The following GRM7 variants were observed in gnomAD, a reference collection of about 807,000 sequenced individuals.
GRM7 encodes the protein metabotropic glutamate receptor 7.
Under a neutral mutation model 84.5 loss-of-function variants are expected in GRM7, and 35 were observed. The observed-to-expected ratio is 0.41, with a 90% confidence interval of 0.32 to 0.55. GRM7 has a LOEUF of 0.55. GRM7 is among the 20% of genes least tolerant of loss of function. The probability of loss-of-function intolerance (pLI) is 0.19; values close to 1 mark genes in which losing one functional copy is unlikely to be tolerated. For synonymous variants in GRM7, 487 were observed against 455.1 expected (o/e 1.07, Z -0.89); for missense variants, 1,003 against 1,194.6 (o/e 0.84, Z 2.36).
chr3:7,123,652 C>G (rs1268895912), intron 1 of GRM7, among the ~76,000 whole-genome samples: 2 of 151,948 alleles, frequency 1.3e-5, no homozygotes, highest in African/African-American at 2.4e-5. Flanking sequence ...ATGCATTGTT[C>G]AGGAATGCAC....
intron 8 of GRM7, among the ~76,000 whole-genome samples, chr3:7,659,454 T>A (rs1029809904): frequency 1.4e-5 from 2 of 140,258 alleles, no homozygotes; most frequent in Non-Finnish European, 1.6e-5. Context: ...GTCAGACTAT[T>A]TTAAAGCAAT....
At chr3:7,034,827 C>G (rs1406854246) in intron 1 of GRM7, among the ~76,000 whole-genome samples, 6 of 152,310 alleles carry the variant, frequency 3.9e-5, no homozygotes, top group South Asian at 2.1e-4. Context: ...CCAGACTCCA[C>G]TAGCTCAGGA....
chr3:7,598,141 G>A (rs1575538549), intron 8 of GRM7, among the ~76,000 whole-genome samples: 1 of 152,144 alleles, frequency 6.6e-6, no homozygotes, highest in Non-Finnish European at 1.5e-5. Flanking sequence ...ATCATAATCT[G>A]ACATATTGCA....
At chr3:7,038,300 A>G (rs1696455543) in intron 1 of GRM7, among the ~76,000 whole-genome samples, 1 of 152,216 alleles carries the variant, frequency 6.6e-6, no homozygotes, top group Admixed American at 6.5e-5. Flanking sequence ...ATTCATTAAT[A>G]CATAGCCTTA....
At chr3:7,313,270 T>A (rs6443102) in intron 4 of GRM7, among the ~76,000 whole-genome samples, 3 of 151,854 alleles carry the variant, frequency 2.0e-5, no homozygotes, top group Admixed American at 1.3e-4. Flanking sequence ...GACAGGATAC[T>A]TGGAGCTGCT....
At chr3:7,236,717 C>A (rs569249119) in intron 2 of GRM7, among the ~76,000 whole-genome samples, 4 of 152,206 alleles carry the variant, frequency 2.6e-5, no homozygotes, top group African/African-American at 4.8e-5. Flanking sequence ...GCCATCCAAT[C>A]ACAAGATATG....
chr3:7,317,806 G>A lies in GRM7; in HGVS notation c.1033+11154G>A, dbSNP rs186025101. Among the ~76,000 whole-genome samples the A allele has an allele frequency of 3.2e-3, 479 of 151,862 alleles. 2 individuals are homozygous for A. Among genetic ancestry groups the A allele is most frequent in the African/African-American group, 0.011 (463 of 41,474 alleles). On this transcript the variant is annotated intron_variant, in intron 4 of 9. Coordinates refer to ENST00000357716, the MANE Select transcript of GRM7 (RefSeq NM_000844.4). ...CAAGGTAGACAAAAAGAACTTGAAA[G>A]ACTGCTGTCAAGAAGAAGAGGTGAG...
At chr3:7,502,823 G>A (rs920183502) in intron 7 of GRM7, among the ~76,000 whole-genome samples, 3 of 152,272 alleles carry the variant, frequency 2.0e-5, no homozygotes, top group Admixed American at 6.5e-5. Context: ...TTATGTTGTT[G>A]CTGTTGTTTG....
chr3:7,452,562 G>C (rs762174725), intron 5 of GRM7, 45 bp from the exon 6 acceptor site: 2 of 612,924 alleles, frequency 3.3e-6, no homozygotes, highest in Non-Finnish European at 5.6e-6. Flanking sequence ...GCCAATTTGT[G>C]TGTGTGTGTG....
chr3:6,866,187 T>A (rs1198985175), intron 1 of GRM7, among the ~76,000 whole-genome samples: 2 of 152,162 alleles, frequency 1.3e-5, no homozygotes, highest in African/African-American at 4.8e-5. Flanking sequence ...AAATTACAAG[T>A]GCTATATTTC....
At chr3:7,506,457 C>G (rs1458999831) in intron 7 of GRM7, among the ~76,000 whole-genome samples, 1 of 152,152 alleles carries the variant, frequency 6.6e-6, no homozygotes, top group Non-Finnish European at 1.5e-5. Flanking sequence ...TGCCCATTAC[C>G]CAGTTCCAAA....
At chr3:7,269,454 C>T (rs925875734) in intron 2 of GRM7, among the ~76,000 whole-genome samples, 1 of 144,810 alleles carries the variant, frequency 6.9e-6, no homozygotes, top group Non-Finnish European at 1.5e-5. Context: ...ACCCCCCCCC[C>T]AGAGAGCATG....
intron 7 of GRM7, among the ~76,000 whole-genome samples, chr3:7,488,709 G>C (rs1001363289): frequency 6.6e-6 from 1 of 152,060 alleles, no homozygotes; most frequent in Admixed American, 6.6e-5. Context: ...TTTTCTTTAT[G>C]AATTACCCAG....
At chr3:7,266,990 G>A (rs1046867277) in intron 2 of GRM7, among the ~76,000 whole-genome samples, 7 of 152,188 alleles carry the variant, frequency 4.6e-5, no homozygotes, top group Non-Finnish European at 5.9e-5. Context: ...TGCAACAGTG[G>A]TTGGCAGTTT....
chr3:7,099,524 ACACG>A (rs1699010635), intron 1 of GRM7, among the ~76,000 whole-genome samples: 1 of 148,096 alleles, frequency 6.8e-6, no homozygotes, highest in Non-Finnish European at 1.5e-5. Flanking sequence ...ATGTATATGT[ACACG>A]CATTATACAT....
intron 7 of GRM7, among the ~76,000 whole-genome samples, chr3:7,505,907 T>A (rs115535013): frequency 6.4e-4 from 98 of 152,332 alleles, no homozygotes; most frequent in African/African-American, 2.3e-3. Flanking sequence ...CTTTGATCCA[T>A]ACTAATTTCC....
intron 8 of GRM7, among the ~76,000 whole-genome samples, chr3:7,658,422 TA>T (rs1227153855): frequency 1.3e-5 from 2 of 152,204 alleles, no homozygotes; most frequent in African/African-American, 2.4e-5. Flanking sequence ...GCCTTTCGCC[TA>T]GATAAAAGTT....
chr3:7,325,253 C>T (rs1700939830), intron 4 of GRM7, among the ~76,000 whole-genome samples: 1 of 152,128 alleles, frequency 6.6e-6, no homozygotes, highest in Admixed American at 6.5e-5. Flanking sequence ...ATGGTTACTT[C>T]CTTCGTTAGG....
In GRM7 at chr3:7,233,502, T is replaced by G. The variant is rs941226001; in HGVS notation, c.737-65182T>G. 2.0e-5 allele frequency among the ~76,000 whole-genome samples: 3 copies of G among 152,152 alleles called. 1 individual carries two copies. Among genetic ancestry groups the G allele is most frequent in the Non-Finnish European group, 4.4e-5 (3 of 67,984 alleles). On this transcript the variant is annotated intron_variant, in intron 2 of 9. Transcript: ENST00000357716. The stretch of plus-strand genomic sequence containing the variant: ...ATCAGATTGTACCAGCTATTGTAAC[T>G]TTGAGGTTTCTTAAAGCCTTGAAGC...
Sources: gnomAD v4.1 joint callset for allele counts (sites outside exome capture counted in the v4.1 genomes callset) on GRCh38, gnomAD v4.1.1 for gene constraint, MANE v1.5 for transcripts, NCBI Gene and HGNC (gene_info 2026-07-23, HGNC 2026-07-21) for gene names.